Variants in SCAMP3 observed in about 807,000 individuals in gnomAD.
The protein encoded by SCAMP3 is secretory carrier-associated membrane protein 3.
A neutral mutation model predicts 44.1 loss-of-function variants in SCAMP3; 30 were observed. That is an observed-to-expected ratio of 0.68 (90% confidence interval 0.51 to 0.92). SCAMP3 has a LOEUF of 0.92. Among genes scored for constraint, SCAMP3 ranks in the 40% least tolerant of loss-of-function variants. The pLI is 0.00. For missense variants in SCAMP3, 394 were observed against 440.0 expected (o/e 0.90, Z 0.93); for synonymous variants, 168 against 171.1 (o/e 0.98, Z 0.14).
chr1:155,258,746 G>A (rs1471922880), intron 5 of SCAMP3, 80 bp downstream of exon 5: 2 of 1,359,434 alleles, frequency 1.5e-6, no homozygotes, highest in Non-Finnish European at 2.0e-6. Context: ...GAGGTGAAGT[G>A]TTTGGTTCTT....
Position 155,256,034 on chromosome 1 carries a change from C to T in SCAMP3, c.*239G>A. 4.9e-6 allele frequency: 2 copies of T among 407,754 alleles called. No homozygotes were observed. The highest frequency in any genetic ancestry group is 8.7e-6 in the Non-Finnish European group (2 of 229,388). 25.3% of individuals were successfully genotyped at this position (407,754 alleles called of 1,614,324 possible). ...TAAATAACCGAAGCAACAGCCGTGG[C>T]ACAGCAGAGGGAAGCTGGGTTGGGG... On this transcript the variant is annotated 3_prime_UTR_variant, in exon 9 of 9. Coordinates refer to ENST00000302631, the MANE Select transcript of SCAMP3 (RefSeq NM_005698.4).
intron 7 of SCAMP3, 106 bp from the exon 8 acceptor site, chr1:155,256,897 G>T: frequency 1.3e-6 from 1 of 797,288 alleles, no homozygotes; most frequent in Non-Finnish European, 2.1e-6. Context: ...GTGGCTCCCT[G>T]TCAATCGAGC....
At position 155,260,109 on chromosome 1, in the gene SCAMP3, G is replaced by A. The variant is rs1214050071; in HGVS notation, c.388+221C>T. 6.6e-6 allele frequency among the ~76,000 whole-genome samples: 1 copy of A among 152,046 alleles called. No individual in the cohort carries two copies. Among genetic ancestry groups the A allele is most frequent in the African/African-American group, 2.4e-5 (1 of 41,382 alleles). On this transcript the variant is annotated intron_variant, in intron 4 of 8. Coordinates refer to ENST00000302631, the MANE Select transcript of SCAMP3 (RefSeq NM_005698.4). ...TGGGACTACAGGTGCGCGCCACCAT[G>A]CCCAGCTAATTTTTGTGTGTGTGTA...
At position 155,261,651 on chromosome 1, in the gene SCAMP3, G is replaced by T. The variant is rs1672966331; in HGVS notation, c.144+6C>A. 1.1e-5 allele frequency: 17 copies of T among 1,613,208 alleles called. No individual in the cohort carries two copies. Among genetic ancestry groups the T allele is most frequent in the Non-Finnish European group, 1.3e-5 (15 of 1,179,266 alleles). ...CCTTGAACTCCTATGCTCTCCAGTA[G>T]CTCACCTCCCGGGTCTCAAAAGGGT... is the stretch of plus-strand genomic sequence containing the variant. On this transcript the variant is annotated splice_donor_region_variant and intron_variant, in intron 2 of 8. Transcript: ENST00000302631.
chr1:155,260,303 G>T, intron 4 of SCAMP3, 27 bp downstream of exon 4: 1 of 1,606,494 alleles, frequency 6.2e-7, no homozygotes. Flanking sequence ...CAAACTCTCA[G>T]ATGCTCTTCC....
At chr1:155,260,289 C>T in intron 4 of SCAMP3, 41 bp downstream of exon 4, 1 of 1,602,672 alleles carries the variant, frequency 6.2e-7, no homozygotes. Flanking sequence ...GTTTTTGCTC[C>T]TCCCAAACTC....
Position 155,256,039 on chromosome 1 carries a change from C to G in SCAMP3, c.*234G>C, listed in dbSNP as rs1403864502. 3 of 411,008 alleles carry G rather than the reference C, an allele frequency of 7.3e-6. No individual in the cohort carries two copies. The highest frequency in any genetic ancestry group is 8.5e-5 in the Admixed American group (2 of 23,412). 25.5% of individuals were successfully genotyped at this position (411,008 alleles called of 1,614,324 possible). On this transcript the variant is annotated 3_prime_UTR_variant, in exon 9 of 9. Transcript: ENST00000302631. ...AACCGAAGCAACAGCCGTGGCACAG[C>G]AGAGGGAAGCTGGGTTGGGGCGTGT...
rs1352028371 is a variant in SCAMP3, at chr1:155,256,627, G to C, written c.897+47C>G. On this transcript the variant is annotated intron_variant, in intron 8 of 8. Transcript: ENST00000302631. ...TGAATGTTCCACCCACGCCCCTGGG[G>C]ACCCATGATCTCACCATCCCGGCCC... 2.6e-6 allele frequency: 4 copies of C among 1,539,540 alleles called. No individual in the cohort carries two copies. In the African/African-American group the frequency reaches 5.5e-5, roughly 21 times the overall value.
At chr1:155,260,487 G>A (rs1277409579) in intron 3 of SCAMP3, 37 bp from the exon 4 acceptor site, 3 of 1,614,024 alleles carry the variant, frequency 1.9e-6, no homozygotes, top group South Asian at 1.1e-5. Flanking sequence ...TGAGCCCTGG[G>A]CCCCAGGACT....
chr1:155,261,928 G>GC, intron 1 of SCAMP3, 158 bp downstream of exon 1: 1 of 817,688 alleles, frequency 1.2e-6, no homozygotes, highest in Non-Finnish European at 2.0e-6. Context: ...GGCAGGGCCC[G>GC]CCCCCCAGAG....
At chr1:155,257,884 G>A (rs981416409) in intron 5 of SCAMP3, among the ~76,000 whole-genome samples, 7 of 152,070 alleles carry the variant, frequency 4.6e-5, no homozygotes, top group Non-Finnish European at 7.4e-5. Flanking sequence ...TGGCTCTGTC[G>A]CGCAGGCTGG....
chr1:155,256,375 G>A lies in SCAMP3; in HGVS notation c.942C>T (p.Ala314=). 1 of 1,606,704 alleles carries A rather than the reference G, an allele frequency of 6.2e-7. No individual in the cohort carries two copies. The highest frequency in any genetic ancestry group is 8.5e-7 in the Non-Finnish European group (1 of 1,174,558). The stretch of plus-strand genomic sequence containing the variant: ...AGACACCAGCAGCAAATTCTTGCTG[G>A]GCCTTCTGAAAGCTGGCACCTGTGC... ...YRRTGASFQK[A]QQEFAAGVFS... The change falls in exon 9 of 9, where the codon GCC becomes GCT. Residue 314 remains alanine, a synonymous_variant. Coordinates refer to ENST00000302631, the MANE Select transcript of SCAMP3 (RefSeq NM_005698.4).
chr1:155,258,197 T>C lies in SCAMP3; in HGVS notation c.518-540A>G, dbSNP rs537883917. Reference sequence around the variant, plus strand: ...ACCACGCCCGGCTAATTTTTTGTATTTGTAGTAGAGACGGGGTTTCACCGT... The same window carrying C: ...ACCACGCCCGGCTAATTTTTTGTATCTGTAGTAGAGACGGGGTTTCACCGT... On this transcript the variant is annotated intron_variant, in intron 5 of 8. Coordinates refer to ENST00000302631, the MANE Select transcript of SCAMP3 (RefSeq NM_005698.4). 1.3e-4 allele frequency among the ~76,000 whole-genome samples: 20 copies of C among 151,930 alleles called. No individual in the cohort carries two copies. The South Asian group carries it at 4.2e-3, about 32-fold the overall frequency.
intron 2 of SCAMP3, chr1:155,261,454 T>C: frequency 1.6e-6 from 1 of 609,714 alleles, no homozygotes; most frequent in Non-Finnish European, 3.0e-6. Context: ...GACTGACTTT[T>C]AGAGCTCAAA....
chr1:155,259,805 C>A (rs888484546), intron 4 of SCAMP3, among the ~76,000 whole-genome samples: 17 of 152,162 alleles, frequency 1.1e-4, no homozygotes, highest in African/African-American at 4.1e-4. Flanking sequence ...TTCACAACAA[C>A]CCTGTCAAAC....
chr1:155,256,533 C>CA (rs1190737044), intron 8 of SCAMP3, 114 bp from the exon 9 acceptor site: 22 of 1,380,526 alleles, frequency 1.6e-5, no homozygotes, highest in Non-Finnish European at 2.1e-5. Context: ...CACTCACACA[C>CA]AGAAACACAC....
rs1407211750 is a variant in SCAMP3, at chr1:155,262,264, T to C, written c.-113A>G. 6.4e-6 allele frequency: 6 copies of C among 943,596 alleles called. No individual in the cohort carries two copies. In the African/African-American group the frequency reaches 6.5e-5, roughly 10 times the overall value. 58.5% of individuals were successfully genotyped at this position (943,596 alleles called of 1,614,324 possible). On this transcript the variant is annotated 5_prime_UTR_variant, in exon 1 of 9. Coordinates refer to ENST00000302631, the MANE Select transcript of SCAMP3 (RefSeq NM_005698.4). Reference sequence around the variant, plus strand: ...CTCGCCTCAGTTCGCCCCGCTTCTCTGTGCACGGATTGGTTCCACCGACCG... The same window carrying C: ...CTCGCCTCAGTTCGCCCCGCTTCTCCGTGCACGGATTGGTTCCACCGACCG...
chr1:155,257,002 C>A (rs1401053504), intron 7 of SCAMP3, among the ~76,000 whole-genome samples: 1 of 152,244 alleles, frequency 6.6e-6, no homozygotes, highest in Non-Finnish European at 1.5e-5. Context: ...CCAAGCTCTT[C>A]CAGGCACTCA....
chr1:155,258,940 A>G lies in SCAMP3; in HGVS notation c.403T>C (p.Trp135Arg), dbSNP rs199569897. 2 of 1,612,502 alleles carry G rather than the reference A, an allele frequency of 1.2e-6. No homozygotes were observed. Among genetic ancestry groups the G allele is most frequent in the East Asian group, 2.2e-5 (1 of 44,718 alleles). Residue 135 changes from tryptophan (W) to arginine (R), a missense_variant, in exon 5 of 9, where the codon TGG (tryptophan) becomes CGG (arginine). Physicochemically the swap from Trp to Arg is moderately radical, Grantham distance 101. Coordinates refer to ENST00000302631, the MANE Select transcript of SCAMP3 (RefSeq NM_005698.4). ...LGGTATRQNN[W>R]PPLPSFCPVQ... is the part of the protein sequence containing the mutation. The stretch of plus-strand genomic sequence containing the variant: ...GGACAAAAAGAAGGTAGAGGGGGCC[A>G]ATTGTTCTGTCGAGCTGTAAGGCAC...
Sources: allele counts gnomAD v4.1 joint callset (sites outside exome capture counted in the v4.1 genomes callset), GRCh38; gene constraint gnomAD v4.1.1; transcripts MANE v1.5; gene names NCBI Gene and HGNC (gene_info 2026-07-23, HGNC 2026-07-21).